The following GRAMD4 variants were observed in gnomAD, a reference collection of about 807,000 sequenced individuals.
GRAMD4 encodes GRAM domain-containing protein 4.
Under a neutral mutation model 83.9 loss-of-function variants are expected in GRAMD4, and 25 were observed. The observed-to-expected ratio is 0.30, with a 90% CI of 0.22 to 0.42. The LOEUF is 0.42. Ranked by LOEUF, GRAMD4 falls within the 10% of genes least tolerant of loss-of-function variation. The pLI is 1.00. For synonymous variants in GRAMD4, 336 were observed against 320.9 expected (o/e 1.05, Z -0.50); for missense variants, 593 against 788.7 (o/e 0.75, Z 2.97).
intron 2 of GRAMD4, among the ~76,000 whole-genome samples, chr22:46,630,445 G>C (rs542432556): frequency 1.3e-5 from 2 of 152,210 alleles, no homozygotes; most frequent in Non-Finnish European, 2.9e-5. Flanking sequence ...ACATGGTCTC[G>C]CTGGGCCATG....
At chr22:46,579,997 C>T (rs2081081736) in intron 1 of GRAMD4, among the ~76,000 whole-genome samples, 1 of 152,168 alleles carries the variant, frequency 6.6e-6, no homozygotes, top group Admixed American at 6.5e-5. Context: ...TGGTCACCCC[C>T]TGCCTGAGTT....
intron 2 of GRAMD4, among the ~76,000 whole-genome samples, chr22:46,637,015 G>T (rs1233756891): frequency 1.3e-5 from 2 of 152,204 alleles, no homozygotes; most frequent in African/African-American, 2.4e-5. Flanking sequence ...CGACAAGGCC[G>T]CTGTTCGGAG....
At chr22:46,682,384 G>A, downstream of GRAMD4, 1 of 973,304 alleles carries the variant, frequency 1.0e-6, no homozygotes, top group Non-Finnish European at 1.2e-6. Flanking sequence ...TAAATGATAT[G>A]ATGACAGAAA....
intron 1 of GRAMD4, among the ~76,000 whole-genome samples, chr22:46,579,058 T>G (rs1251762547): frequency 1.3e-5 from 2 of 152,242 alleles, no homozygotes; most frequent in African/African-American, 4.8e-5. Flanking sequence ...CCATGCAGCC[T>G]GGGGGCAGGC....
rs1474716043 is a variant in GRAMD4, at chr22:46,668,538, T to C, written c.931-151T>C. On this transcript the variant is annotated intron_variant, in intron 11 of 18. Coordinates refer to ENST00000406902, the MANE Select transcript of GRAMD4 (RefSeq NM_015124.5). ...GGCCACCTCTGCCCTAGACCAGAGC[T>C]GGGCCTTCCCCGGCCTAGGAGCAGC... is the stretch of plus-strand genomic sequence containing the variant. 5 of 777,868 alleles carry C rather than the reference T, an allele frequency of 6.4e-6. No individual in the cohort carries two copies. The Admixed American group carries it at 7.1e-5, about 11-fold the overall frequency. The allele number at this position is 777,868 out of a possible 1,614,324, so 48.2% of individuals were successfully genotyped here.
intron 1 of GRAMD4, among the ~76,000 whole-genome samples, chr22:46,626,455 G>T (rs1329082850): frequency 6.6e-6 from 1 of 152,228 alleles, no homozygotes; most frequent in African/African-American, 2.4e-5. Flanking sequence ...AGGCAAGGAC[G>T]CAGCTCAGCA....
intron 3 of GRAMD4, among the ~76,000 whole-genome samples, chr22:46,654,069 C>T (rs190741248): frequency 2.0e-5 from 3 of 152,070 alleles, no homozygotes; most frequent in African/African-American, 4.8e-5. Flanking sequence ...TTCCTTCCTT[C>T]GCTTATCCAG....
intron 3 of GRAMD4, among the ~76,000 whole-genome samples, chr22:46,639,318 G>GTGTGCAGCGGTGGTTAACCC (rs1324426383): frequency 3.7e-5 from 5 of 134,020 alleles, no homozygotes; most frequent in African/African-American, 1.4e-4. Context: ...GGTTAACCCT[G>GTGTGCAGCGGTGGTTAACCC]TGTGTGTGTG....
At chr22:46,608,217 G>A (rs1199451873) in intron 1 of GRAMD4, among the ~76,000 whole-genome samples, 1 of 152,208 alleles carries the variant, frequency 6.6e-6, no homozygotes, top group African/African-American at 2.4e-5. Flanking sequence ...CCTGCAGCCT[G>A]CAGCCGAAAC....
Position 46,591,079 on chromosome 22 carries a change from A to AAAAAAC in GRAMD4, c.-50+13789_-50+13790insAAAAAC, listed in dbSNP as rs879428379. 7.8e-4 allele frequency among the ~76,000 whole-genome samples: 118 copies of AAAAAAC among 152,008 alleles called. 1 individual carries two copies. The highest frequency in any genetic ancestry group is 2.8e-3 in the African/African-American group (114 of 41,432). ...TGTCTAAAAAGAAAAAGAAAAAAAA[A>AAAAAAC]CAAACAAACCCAAAAAACAGCCAGA... On this transcript the variant is annotated intron_variant, in intron 1 of 1. Transcript: ENST00000431155.
chr22:46,667,757 A>C (rs1006625955), intron 10 of GRAMD4, among the ~76,000 whole-genome samples: 3 of 152,238 alleles, frequency 2.0e-5, no homozygotes, highest in African/African-American at 7.2e-5. Context: ...GACAAGCAGG[A>C]CCAGGGCTCC....
In GRAMD4 at chr22:46,640,117, C is replaced by T. The variant is rs1190627063; in HGVS notation, c.283+2157C>T. On this transcript the variant is annotated intron_variant, in intron 3 of 18. Coordinates refer to ENST00000406902, the MANE Select transcript of GRAMD4 (RefSeq NM_015124.5). ...GCTATTTGGCCTGGAGAGCATAGCT[C>T]AGCAGACGCTAGTTAAGTCATCAAC... Among the ~76,000 whole-genome samples, 4 of 152,226 alleles carry T rather than the reference C, an allele frequency of 2.6e-5. No homozygotes were observed. The East Asian group carries it at 7.7e-4, about 29-fold the overall frequency.
intron 1 of GRAMD4, among the ~76,000 whole-genome samples, chr22:46,626,323 G>C (rs1190802114): frequency 6.6e-6 from 1 of 152,244 alleles, no homozygotes; most frequent in African/African-American, 2.4e-5. Context: ...TGGCATGGCT[G>C]GCCCTCCTTC....
rs57021762 is a variant in GRAMD4, at chr22:46,611,216, CA to C, written c.-49-15523del. On this transcript the variant is annotated intron_variant, in intron 1 of 1. Transcript: ENST00000431155. The stretch of plus-strand genomic sequence containing the variant: ...GGGTAACAGGAGCGAAACTCCATCT[CA>C]AAAAAAAAAAATATTAAATAAAAAA... Among the ~76,000 whole-genome samples the C allele has an allele frequency of 9.8e-4, 140 of 143,360 alleles. 1 individual carries two copies. Among genetic ancestry groups the C allele is most frequent in the African/African-American group, 3.2e-3 (126 of 38,908 alleles). The allele number at this position is 143,360 out of a possible 152,430, so 94.0% of individuals were successfully genotyped here.
intron 3 of GRAMD4, among the ~76,000 whole-genome samples, chr22:46,652,339 G>A (rs1156916403): frequency 2.6e-5 from 4 of 152,170 alleles, no homozygotes; most frequent in East Asian, 3.8e-4. Context: ...CAGGAAGCTG[G>A]AAAGGCAGGA....
At chr22:46,658,547 G>C (rs960285471) in intron 4 of GRAMD4, among the ~76,000 whole-genome samples, 1 of 152,220 alleles carries the variant, frequency 6.6e-6, no homozygotes, top group East Asian at 1.9e-4. Flanking sequence ...GTCTGGAAAA[G>C]GGTGCACAGG....
At chr22:46,603,605 C>G (rs933359236) in intron 1 of GRAMD4, among the ~76,000 whole-genome samples, 3 of 147,896 alleles carry the variant, frequency 2.0e-5, no homozygotes, top group African/African-American at 7.5e-5. Context: ...CAAGCTCCGC[C>G]TTCCGGGTTC....
intron 3 of GRAMD4, among the ~76,000 whole-genome samples, chr22:46,650,452 C>T (rs959415787): frequency 1.3e-5 from 2 of 151,428 alleles, no homozygotes; most frequent in Admixed American, 1.3e-4. Flanking sequence ...GCTGGGTGGA[C>T]GGCTGGGCCT....
intron 1 of GRAMD4, among the ~76,000 whole-genome samples, chr22:46,605,955 G>C: frequency 7.3e-6 from 1 of 136,092 alleles, no homozygotes. Context: ...TGGGCTTATG[G>C]CTGGTGCTGA....
Sources: allele counts gnomAD v4.1 joint callset (sites outside exome capture counted in the v4.1 genomes callset), GRCh38; gene constraint gnomAD v4.1.1; transcripts MANE v1.5; gene names NCBI Gene and HGNC (gene_info 2026-07-23, HGNC 2026-07-21).